Variants in LNX2 observed in about 807,000 individuals in gnomAD.
LNX2 encodes ligand of numb-protein X 2, also known as ligand of Numb protein X 2.
In LNX2, 35 loss-of-function variants were observed where a neutral mutation model predicts 66.2. The ratio of observed to expected loss-of-function variants is 0.53; its 90% CI spans 0.40 to 0.70. LNX2 has a LOEUF of 0.70. Ranked by LOEUF, LNX2 falls within the 30% of genes least tolerant of loss-of-function variation. The probability of loss-of-function intolerance (pLI) is 0.00; values close to 1 mark genes in which losing one functional copy is unlikely to be tolerated. For missense variants in LNX2, 791 were observed against 850.8 expected (o/e 0.93, Z 0.87); for synonymous variants, 337 against 315.6 (o/e 1.07, Z -0.72).
At chr13:27,549,530 G>C (rs958523803) in intron 9 of LNX2, among the ~76,000 whole-genome samples, 8 of 152,138 alleles carry the variant, frequency 5.3e-5, no homozygotes, top group African/African-American at 1.9e-4. Flanking sequence ...GATAGTCCTG[G>C]GTTTGAATGC....
intron 1 of LNX2, among the ~76,000 whole-genome samples, chr13:27,586,843 A>G (rs1280290361): frequency 6.6e-6 from 1 of 152,244 alleles, no homozygotes; most frequent in Admixed American, 6.5e-5. Context: ...GGGCGGGATT[A>G]TTACAACACA....
At chr13:27,606,265 G>A (rs760342937) in intron 1 of LNX2, among the ~76,000 whole-genome samples, 3 of 151,926 alleles carry the variant, frequency 2.0e-5, no homozygotes, top group Non-Finnish European at 4.4e-5. Context: ...GCTAGACCAA[G>A]GCCACCTAGT....
intron 2 of LNX2, among the ~76,000 whole-genome samples, chr13:27,577,339 C>G (rs1955350539): frequency 6.6e-6 from 1 of 152,168 alleles, no homozygotes; most frequent in Non-Finnish European, 1.5e-5. Flanking sequence ...ATGTGCTAAA[C>G]ACAAACTTCC....
At chr13:27,586,671 A>G (rs998998271) in intron 1 of LNX2, among the ~76,000 whole-genome samples, 4 of 152,242 alleles carry the variant, frequency 2.6e-5, no homozygotes, top group Admixed American at 1.3e-4. Context: ...CAGATATTAT[A>G]TATCTGTGAG....
intron 6 of LNX2, among the ~76,000 whole-genome samples, chr13:27,559,241 G>A (rs908769455): frequency 6.6e-6 from 1 of 152,050 alleles, no homozygotes; most frequent in South Asian, 2.1e-4. Flanking sequence ...TGATTCTGAA[G>A]AAACAGTAAC....
chr13:27,583,197 T>C (rs1566124620), intron 1 of LNX2, among the ~76,000 whole-genome samples: 279 of 11,474 alleles, frequency 0.024, 10 homozygotes, highest in Middle Eastern at 0.033. Flanking sequence ...TGTGTGTGTG[T>C]GTGTGTGTGT....
chr13:27,598,615 C>T (rs1223725056), intron 1 of LNX2, among the ~76,000 whole-genome samples: 1 of 131,062 alleles, frequency 7.6e-6, no homozygotes, highest in Non-Finnish European at 1.6e-5. Flanking sequence ...TCTCACATTC[C>T]TCCCCATTTT....
At chr13:27,580,063 G>A (rs1955380933) in intron 2 of LNX2, among the ~76,000 whole-genome samples, 1 of 151,292 alleles carries the variant, frequency 6.6e-6, no homozygotes, top group Non-Finnish European at 1.5e-5. Context: ...TTTTTTCATT[G>A]TTTCTCATGT....
chr13:27,601,974 T>G (rs1168957769), intron 1 of LNX2, among the ~76,000 whole-genome samples: 1 of 152,168 alleles, frequency 6.6e-6, no homozygotes, highest in Non-Finnish European at 1.5e-5. Flanking sequence ...TTGTCACATA[T>G]CTCCTCATCC....
intron 1 of LNX2, among the ~76,000 whole-genome samples, chr13:27,594,554 A>C (rs1307195158): frequency 5.3e-5 from 8 of 152,076 alleles, no homozygotes; most frequent in Admixed American, 3.3e-4. Context: ...TGTATAATAA[A>C]ATTTTTTTTA....
rs1954960582 is a variant in LNX2 at position 27,547,891 on chromosome 13, G to A, written c.*444C>T. The A allele has an allele frequency of 1.3e-5, 2 of 155,976 alleles. No homozygotes were observed. Among genetic ancestry groups the A allele is most frequent in the African/African-American group, 4.8e-5 (2 of 41,474 alleles). The allele number at this position is 155,976 out of a possible 1,614,324, so 9.7% of individuals were successfully genotyped here. A position where few individuals can be genotyped will look rare whatever the true frequency, so the allele number is the denominator to read the frequency against. On this transcript the variant is annotated 3_prime_UTR_variant, in exon 10 of 10. Coordinates refer to ENST00000316334, the MANE Select transcript of LNX2 (RefSeq NM_153371.4). Reference sequence around the variant, plus strand: ...GGAACAGTTATCACCAAAATTTAAAGTATATTCATTCATGGTATTGGTTAT... The same window carrying A: ...GGAACAGTTATCACCAAAATTTAAAATATATTCATTCATGGTATTGGTTAT...
intron 1 of LNX2, among the ~76,000 whole-genome samples, chr13:27,585,080 C>CA (rs749661027): frequency 6.0e-5 from 9 of 149,852 alleles, no homozygotes; most frequent in Non-Finnish European, 1.2e-4. Flanking sequence ...GAGATCATGC[C>CA]ACCGCACTCC....
At chr13:27,565,981 C>T (rs181732897) in intron 4 of LNX2, among the ~76,000 whole-genome samples, 1 of 151,952 alleles carries the variant, frequency 6.6e-6, no homozygotes, top group Admixed American at 6.5e-5. Flanking sequence ...TTCCCAACAG[C>T]ATCTTATATT....
intron 1 of LNX2, among the ~76,000 whole-genome samples, chr13:27,583,791 G>C (rs1955451852): frequency 6.6e-6 from 1 of 152,140 alleles, no homozygotes; most frequent in African/African-American, 2.4e-5. Context: ...GACAGTTAAA[G>C]CCCATTATTA....
intron 1 of LNX2, among the ~76,000 whole-genome samples, chr13:27,592,206 T>C (rs928980491): frequency 1.1e-4 from 17 of 152,238 alleles, no homozygotes; most frequent in African/African-American, 4.1e-4. Context: ...ATTAAAAGCC[T>C]ACTGAAATAT....
intron 2 of LNX2, among the ~76,000 whole-genome samples, chr13:27,577,626 T>TA (rs2138383482): frequency 6.6e-6 from 1 of 152,326 alleles, no homozygotes; most frequent in Non-Finnish European, 1.5e-5. Context: ...TAAGGTTTCA[T>TA]AACCATCTCA....
At chr13:27,557,636 C>T (rs983298926) in intron 6 of LNX2, among the ~76,000 whole-genome samples, 2 of 151,946 alleles carry the variant, frequency 1.3e-5, no homozygotes, top group African/African-American at 4.8e-5. Flanking sequence ...AGAGAATTGA[C>T]ATGTATTTAA....
chr13:27,576,029 C>CA (rs1955336852), intron 2 of LNX2, among the ~76,000 whole-genome samples: 2 of 152,296 alleles, frequency 1.3e-5, no homozygotes, highest in South Asian at 4.1e-4. Context: ...AATAAAAAGT[C>CA]AGTGACTGGC....
chr13:27,582,968 A>C (rs1014848002), intron 1 of LNX2, among the ~76,000 whole-genome samples: 3 of 152,164 alleles, frequency 2.0e-5, no homozygotes, highest in Non-Finnish European at 4.4e-5. Context: ...CTCTCTCCAT[A>C]TGTCACACAG....
Sources: gnomAD v4.1 joint callset for allele counts (sites outside exome capture counted in the v4.1 genomes callset) on GRCh38, gnomAD v4.1.1 for gene constraint, MANE v1.5 for transcripts, NCBI Gene and HGNC (gene_info 2026-07-23, HGNC 2026-07-21) for gene names.